Variants in MPDZ observed in about 807,000 individuals in gnomAD.
MPDZ encodes multiple PDZ domain crumbs cell polarity complex component, also known as multiple PDZ domain protein.
A neutral mutation model predicts 239.1 loss-of-function variants in MPDZ; 234 were observed. The ratio of observed to expected loss-of-function variants is 0.98; its 90% confidence interval spans 0.88 to 1.09. The LOEUF is 1.09. Ranked by LOEUF, MPDZ falls within the 50% of genes least tolerant of loss-of-function variation. The pLI is 0.00. For missense variants in MPDZ, 3,175 were observed against 2,510.0 expected (o/e 1.26, Z -5.66); for synonymous variants, 1,048 against 881.3 (o/e 1.19, Z -3.35).
In MPDZ at chr9:13,247,700, G is replaced by A. The variant is rs780547399; in HGVS notation, c.118C>T (p.Leu40=). The change falls in exon 3 of 47, where the codon CTG becomes TTG. Residue 40 remains leucine, a synonymous_variant. Coordinates refer to ENST00000319217, the MANE Select transcript of MPDZ (RefSeq NM_001378778.1). ...ATCTGACTGAAGAGAGGGCTCTGCAGGACTGACTTCAGAAGGCTCAGTTTG... is the reference window on the plus strand; with the variant it reads ...ATCTGACTGAAGAGAGGGCTCTGCAAGACTGACTTCAGAAGGCTCAGTTTG... ...EDKLSLLKSV[L]QSPLFSQILS... The A allele has an allele frequency of 1.4e-5, 23 of 1,613,628 alleles. No individual in the cohort carries two copies. The East Asian group carries it at 4.5e-4, about 31-fold the overall frequency.
intron 10 of MPDZ, among the ~76,000 whole-genome samples, chr9:13,214,484 G>T (rs1216315305): frequency 6.6e-6 from 1 of 151,914 alleles, no homozygotes; most frequent in Non-Finnish European, 1.5e-5. Context: ...AAATGTTCTA[G>T]AATTCACCAT....
Position 13,143,541 on chromosome 9 carries a change from C to A in MPDZ, c.3765G>T (p.Leu1255=), listed in dbSNP as rs924660614. 1.2e-6 allele frequency: 2 copies of A among 1,612,776 alleles called. No homozygotes were observed. Among genetic ancestry groups the A allele is most frequent in the Non-Finnish European group, 1.7e-6 (2 of 1,179,116 alleles). ...RPRKSPLPSL[L]HNLYPKYNFS... is the part of the protein sequence containing the mutation. ...AGTTGTACTTAGGGTAAAGGTTGTGCAGCAAGGAAGGCAAAGGGGATTTCT... is the reference window on the plus strand; with the variant it reads ...AGTTGTACTTAGGGTAAAGGTTGTGAAGCAAGGAAGGCAAAGGGGATTTCT... The change falls in exon 27 of 47, where the codon CTG becomes CTT. Residue 1255 remains leucine, a synonymous_variant. Coordinates refer to ENST00000319217, the MANE Select transcript of MPDZ (RefSeq NM_001378778.1).
intron 39 of MPDZ, among the ~76,000 whole-genome samples, chr9:13,116,958 G>A (rs1943550594): frequency 6.6e-6 from 1 of 151,964 alleles, no homozygotes. Flanking sequence ...TATTATAGGG[G>A]GGAATATGTT....
chr9:13,203,961 C>T (rs903350584), intron 12 of MPDZ, among the ~76,000 whole-genome samples: 9 of 152,214 alleles, frequency 5.9e-5, no homozygotes, highest in African/African-American at 1.4e-4. Flanking sequence ...AATTTCTTTA[C>T]TTATTAGTGT....
Position 13,216,863 on chromosome 9 carries a change from C to T in MPDZ, c.1202-1G>A, listed in dbSNP as rs928594835. 4.4e-6 allele frequency: 7 copies of T among 1,605,630 alleles called. No homozygotes were observed. The highest frequency in any genetic ancestry group is 6.0e-6 in the Non-Finnish European group (7 of 1,175,272). ...CTCTTTACAAAGATTCCTGAAGGTT[C>T]TAAGATTAGAAATAGTTTATTTTTC... On this transcript the variant is annotated splice_acceptor_variant, in intron 9 of 46. Coordinates refer to ENST00000319217, the MANE Select transcript of MPDZ (RefSeq NM_001378778.1). LOFTEE classifies it high-confidence loss of function.
chr9:13,271,637 G>A (rs1972984417), intron 1 of MPDZ, among the ~76,000 whole-genome samples: 1 of 152,150 alleles, frequency 6.6e-6, no homozygotes, highest in African/African-American at 2.4e-5. Flanking sequence ...GTTAATCTGT[G>A]TTCTGTTAGT....
At chr9:13,133,773 A>T (rs1465380918) in intron 32 of MPDZ, 51 bp downstream of exon 32, 1 of 1,280,944 alleles carries the variant, frequency 7.8e-7, no homozygotes, top group African/African-American at 1.5e-5. Context: ...GAATTAGAAC[A>T]CTGAGGTAAA....
intron 33 of MPDZ, 33 bp downstream of exon 33, chr9:13,126,647 C>A: frequency 6.2e-7 from 1 of 1,610,562 alleles, no homozygotes; most frequent in South Asian, 1.1e-5. Flanking sequence ...CCCTCCCCAA[C>A]TACTTAATGA....
At chr9:13,267,372 A>G (rs1222136461) in intron 1 of MPDZ, among the ~76,000 whole-genome samples, 7 of 152,172 alleles carry the variant, frequency 4.6e-5, no homozygotes, top group Non-Finnish European at 4.4e-5. Context: ...TCCATACTTT[A>G]TACCCTCATT....
chr9:13,239,668 T>A (rs1451043085), intron 3 of MPDZ, among the ~76,000 whole-genome samples: 1 of 152,162 alleles, frequency 6.6e-6, no homozygotes, highest in Non-Finnish European at 1.5e-5. Flanking sequence ...TACTCATGCA[T>A]TCATTTATTA....
In MPDZ at chr9:13,106,674, C is replaced by A; in HGVS notation, c.*291G>T. The A allele has an allele frequency of 3.5e-6, 1 of 283,800 alleles. No individual in the cohort carries two copies. Among genetic ancestry groups the A allele is most frequent in the Non-Finnish European group, 6.7e-6 (1 of 149,876 alleles). 17.6% of individuals were successfully genotyped at this position (283,800 alleles called of 1,614,324 possible). A position where few individuals can be genotyped will look rare whatever the true frequency, so the allele number is the denominator to read the frequency against. On this transcript the variant is annotated 3_prime_UTR_variant, in exon 47 of 47. Coordinates refer to ENST00000319217, the MANE Select transcript of MPDZ (RefSeq NM_001378778.1). The stretch of plus-strand genomic sequence containing the variant: ...CTAACCAGCTTAGCATGTAATAATT[C>A]TTGCCCATGTGACTACAAAACATTA...
chr9:13,122,001 G>C, intron 37 of MPDZ, 69 bp from the exon 38 acceptor site: 2 of 1,596,358 alleles, frequency 1.3e-6, no homozygotes, highest in East Asian at 4.5e-5. Flanking sequence ...GGGAAGGGAA[G>C]AGAGAGAAAG....
rs899665703 is a variant in MPDZ at position 13,141,649 on chromosome 9, C to T, written c.3841-1500G>A. On this transcript the variant is annotated intron_variant, in intron 27 of 46. Coordinates refer to ENST00000319217, the MANE Select transcript of MPDZ (RefSeq NM_001378778.1). ...GTAAGGATACATTAAATGATAAACA[C>T]GCACAAATACTTAGAAATTATTAAT... Among the ~76,000 whole-genome samples, 7 of 151,930 alleles carry T rather than the reference C, an allele frequency of 4.6e-5. No individual in the cohort carries two copies. The East Asian group carries it at 5.8e-4, about 13-fold the overall frequency.
At chr9:13,187,904 A>G (rs778606189) in intron 17 of MPDZ, among the ~76,000 whole-genome samples, 3 of 152,180 alleles carry the variant, frequency 2.0e-5, no homozygotes, top group Admixed American at 1.3e-4. Flanking sequence ...ACGGATTCAT[A>G]AAGTTGTTTC....
chr9:13,111,934 C>A (rs1414243245), intron 43 of MPDZ, 90 bp downstream of exon 43: 7 of 1,364,384 alleles, frequency 5.1e-6, no homozygotes, highest in Non-Finnish European at 7.0e-6. Context: ...ATATTTAAAA[C>A]TGCCTTGCAA....
chr9:13,171,290 A>G (rs1951746468), intron 21 of MPDZ, among the ~76,000 whole-genome samples: 1 of 152,302 alleles, frequency 6.6e-6, no homozygotes, highest in East Asian at 1.9e-4. Context: ...ATTGCTCCCT[A>G]AAGACTAAAT....
Position 13,180,939 on chromosome 9 carries a change from C to T in MPDZ, c.2649+2479G>A, listed in dbSNP as rs1023528784. Among the ~76,000 whole-genome samples, 9 of 152,284 alleles carry T rather than the reference C, an allele frequency of 5.9e-5. No homozygotes were observed. In the South Asian group the frequency reaches 1.2e-3, roughly 21 times the overall value. ...GAGGAAGAGCCCCAACATATGGCTACAGCCCTTTGGTGTTTAGGCTGCCCT... is the reference window on the plus strand; with the variant it reads ...GAGGAAGAGCCCCAACATATGGCTATAGCCCTTTGGTGTTTAGGCTGCCCT... On this transcript the variant is annotated intron_variant, in intron 19 of 46. Transcript: ENST00000319217.
chr9:13,137,864 G>C (rs995824190), intron 29 of MPDZ, 93 bp downstream of exon 29: 14 of 1,280,044 alleles, frequency 1.1e-5, no homozygotes, highest in African/African-American at 1.5e-5. Context: ...GGCTTTCTCA[G>C]TCACTATAAG....
intron 25 of MPDZ, among the ~76,000 whole-genome samples, chr9:13,148,739 T>TA (rs2132921706): frequency 7.5e-6 from 1 of 132,586 alleles, no homozygotes; most frequent in East Asian, 2.3e-4. Context: ...TGCACTCACC[T>TA]AGTCTATATA....
Sources: allele counts gnomAD v4.1 joint callset (sites outside exome capture counted in the v4.1 genomes callset), GRCh38; gene constraint gnomAD v4.1.1; transcripts MANE v1.5; gene names NCBI Gene and HGNC (gene_info 2026-07-23, HGNC 2026-07-21).